Variants in SLX4 observed in about 807,000 individuals in gnomAD.
SLX4 encodes the protein SLX4 structure-specific endonuclease subunit, also known as structure-specific endonuclease subunit SLX4.
A neutral mutation model predicts 146.2 loss-of-function variants in SLX4; 112 were observed. That is an observed-to-expected ratio of 0.77 (90% CI 0.66 to 0.90). The LOEUF (loss-of-function observed/expected upper bound fraction) is 0.90. Among genes scored for constraint, SLX4 ranks in the 40% least tolerant of loss-of-function variants. The pLI is 0.00. For synonymous variants in SLX4, 1,061 were observed against 997.7 expected (o/e 1.06, Z -1.20); for missense variants, 2,563 against 2,392.7 (o/e 1.07, Z -1.49).
rs535546998 is a variant in SLX4, at chr16:3,591,265, A to G, written c.2373T>C (p.Ile791=). ...ELVHLCEQVP[I]ATDSEGKPWE... is the part of the protein sequence containing the mutation. ...ATGGTTTGCCCTCTGAGTCAGTGGCAATAGGCACCTGTTCGCACAGGTGAA... is the reference window on the plus strand; with the variant it reads ...ATGGTTTGCCCTCTGAGTCAGTGGCGATAGGCACCTGTTCGCACAGGTGAA... The change falls in exon 12 of 15, where the codon ATT becomes ATC. Residue 791 remains isoleucine, a synonymous_variant. Coordinates refer to ENST00000294008, the MANE Select transcript of SLX4 (RefSeq NM_032444.4). 6.2e-7 allele frequency: 1 copy of G among 1,612,838 alleles called. No individual in the cohort carries two copies. Among genetic ancestry groups the G allele is most frequent in the East Asian group, 2.2e-5 (1 of 44,886 alleles).
At position 3,597,748 on chromosome 16, in the gene SLX4, G is replaced by C. The variant is rs766609103; in HGVS notation, c.1366+49C>G. 1 of 1,613,806 alleles carries C rather than the reference G, an allele frequency of 6.2e-7. No individual in the cohort carries two copies. The highest frequency in any genetic ancestry group is 8.5e-7 in the Non-Finnish European group (1 of 1,179,820). ...AACGGTGGAGTCGGTCCACTCACCC[G>C]GGACCTGCTGATGGCCTCTCCCAGG... On this transcript the variant is annotated intron_variant, in intron 6 of 14. Transcript: ENST00000294008. This position sits in a 1 kb window ranked among gnomAD's most constrained non-coding sequence, Gnocchi z 4.4.
chr16:3,607,673 A>G (rs1470333084), intron 2 of SLX4, among the ~76,000 whole-genome samples: 1 of 152,166 alleles, frequency 6.6e-6, no homozygotes, highest in Non-Finnish European at 1.5e-5. Flanking sequence ...TGAGAGACCA[A>G]GATCCTGTCT....
At position 3,590,963 on chromosome 16, in the gene SLX4, G is replaced by A. The variant is rs1368217140; in HGVS notation, c.2675C>T (p.Ala892Val). The A allele has an allele frequency of 6.8e-6, 11 of 1,614,164 alleles. No individual in the cohort carries two copies. In the Middle Eastern group the frequency reaches 4.9e-4, roughly 73 times the overall value. ...GGSPVSGQLL[A>V]GVQVQKQWDK... ...CCACTGTTTCTGCACCTGGACACCT[G>A]CTAGGAGTTGCCCAGAAACCGGACT... Residue 892 changes from alanine (A) to valine (V), a missense_variant, in exon 12 of 15, where the codon GCA becomes GTA. Ala to Val is a moderately conservative substitution (Grantham distance 64). Transcript: ENST00000294008. The surrounding 1 kb of genome is among the most constrained non-coding windows in gnomAD (Gnocchi z 4.8).
intron 2 of SLX4, 66 bp downstream of exon 2, chr16:3,608,364 A>C: frequency 6.3e-7 from 1 of 1,590,444 alleles, no homozygotes; most frequent in Non-Finnish European, 8.6e-7. Context: ...TACAAAGCCA[A>C]AATATTTACG....
intron 3 of SLX4, among the ~76,000 whole-genome samples, chr16:3,604,997 C>A (rs2040767264): frequency 6.7e-6 from 1 of 149,718 alleles, no homozygotes; most frequent in African/African-American, 2.5e-5. Context: ...TCACAGCTCA[C>A]TGCAGCTCAA....
chr16:3,583,390 C>T lies in SLX4; in HGVS notation c.4860G>A (p.Leu1620=), dbSNP rs1415687441. 6.8e-6 allele frequency: 11 copies of T among 1,613,092 alleles called. No individual in the cohort carries two copies. Among genetic ancestry groups the T allele is most frequent in the Non-Finnish European group, 8.5e-6 (10 of 1,179,220 alleles). ...SEDESQSSQP[L]LQAPHCQTLA... ...GGGTCTGGCAGTGAGGCGCCTGCAA[C>T]AGCGGCTGTGAGGACTGGCTCTCGT... The change falls in exon 14 of 15, where the codon CTG becomes CTA. Residue 1620 remains leucine, a synonymous_variant. Coordinates refer to ENST00000294008, the MANE Select transcript of SLX4 (RefSeq NM_032444.4).
At position 3,592,719 on chromosome 16, in the gene SLX4, C is replaced by G; in HGVS notation, c.2307G>C (p.Glu769Asp). 1 of 1,613,318 alleles carries G rather than the reference C, an allele frequency of 6.2e-7. No homozygotes were observed. The highest frequency in any genetic ancestry group is 8.5e-7 in the Non-Finnish European group (1 of 1,179,970). ...DTGLPPGLSS[E>D]LSSLAHRFGV... is the part of the protein sequence containing the mutation. ...CAGACCTGTGGGCCAGGGAGCTCAG[C>G]TCAGAGCTAAGGCCAGGAGGAAGGC... The change falls in exon 11 of 15, where the codon GAG (glutamate) becomes GAC (aspartate). Residue 769 changes from glutamate to aspartate, a missense_variant. Transcript: ENST00000294008.
At chr16:3,610,849 AGGAGAAAACGCTGCGG>A (rs1344524698) in intron 1 of SLX4, among the ~76,000 whole-genome samples, 6 of 152,220 alleles carry the variant, frequency 3.9e-5, no homozygotes, top group Non-Finnish European at 8.8e-5. Context: ...AGAAAGGTGT[AGGAGAAAACGCTGCGG>A]GGAGAGGAAA....
chr16:3,596,834 T>G (rs1319225330), intron 7 of SLX4, among the ~76,000 whole-genome samples: 1 of 151,796 alleles, frequency 6.6e-6, no homozygotes, highest in African/African-American at 2.4e-5. Context: ...TTTTTTTTTT[T>G]TTTTTCAAGA....
Position 3,583,505 on chromosome 16 carries a change from C to T in SLX4, c.4745G>A (p.Gly1582Glu). Reference sequence around the variant, plus strand: ...CTGGCGTTTAGGCAGAGGGCGGACTCCAAACCTGACGGAGGAACAGGTGGA... The same window carrying T: ...CTGGCGTTTAGGCAGAGGGCGGACTTCAAACCTGACGGAGGAACAGGTGGA... ...PVLKKELDRF[G>E]VRPLPKRQMV... Residue 1582 changes from glycine to glutamate, a missense_variant, in exon 14 of 15, where the codon GGA becomes GAA. Coordinates refer to ENST00000294008, the MANE Select transcript of SLX4 (RefSeq NM_032444.4). The T allele has an allele frequency of 6.2e-7, 1 of 1,614,054 alleles. No individual in the cohort carries two copies.
At chr16:3,583,586 G>C (rs1230007980) in intron 13 of SLX4, 76 bp from the exon 14 acceptor site, 8 of 1,518,950 alleles carry the variant, frequency 5.3e-6, no homozygotes, top group Non-Finnish European at 7.3e-6. Flanking sequence ...TCTTAGCAAA[G>C]AGTGATACCC....
rs373381697 is a variant in SLX4, at chr16:3,597,614, A to G, written c.1448T>C (p.Ile483Thr). 3.7e-6 allele frequency: 6 copies of G among 1,613,974 alleles called. No individual in the cohort carries two copies. In the African/African-American group the frequency reaches 4.0e-5, roughly 11 times the overall value. The part of the protein sequence containing the change: ...VQDSETTGRQ[I>T]EDRVALLLSE... Reference sequence around the variant, plus strand: ...GAGGAGCAGGGCCACACGGTCCTCTATCTGTCGGCCTGTGGTTTCAGAGTC... The same window carrying G: ...GAGGAGCAGGGCCACACGGTCCTCTGTCTGTCGGCCTGTGGTTTCAGAGTC... Residue 483 changes from isoleucine (I) to threonine (T), a missense_variant, in exon 7 of 15, where the codon ATA becomes ACA. Ile to Thr is a moderately conservative substitution (Grantham distance 89). Transcript: ENST00000294008. The surrounding 1 kb of genome is among the most constrained non-coding windows in gnomAD (Gnocchi z 4.4).
Position 3,606,669 on chromosome 16 carries a change from G to T in SLX4, c.565C>A (p.Pro189Thr). ...ENVPNSDSQP[P>T]PSCLTTAVPS... The stretch of plus-strand genomic sequence containing the variant: ...ACTGCTGTTGTCAAACAGGAAGGAG[G>T]AGGCTGGGAGTCGCTGTTGGGCACA... The change falls in exon 3 of 15, where the codon CCT becomes ACT. Residue 189 changes from proline (P) to threonine (T), a missense_variant. By Grantham distance (38) the Pro-to-Thr change is conservative. Transcript: ENST00000294008. The T allele has an allele frequency of 6.2e-7, 1 of 1,614,220 alleles. No individual in the cohort carries two copies. The highest frequency in any genetic ancestry group is 8.5e-7 in the Non-Finnish European group (1 of 1,180,052).
At chr16:3,594,085 T>C (rs1460559191) in intron 10 of SLX4, among the ~76,000 whole-genome samples, 1 of 152,106 alleles carries the variant, frequency 6.6e-6, no homozygotes, top group African/African-American at 2.4e-5. Context: ...GTTAGGATGG[T>C]CTTGATCTCC....
Position 3,589,096 on chromosome 16 carries a change from C to A in SLX4, c.4542G>T (p.Trp1514Cys), listed in dbSNP as rs1198880078. Residue 1514 changes from tryptophan to cysteine, a missense_variant, in exon 12 of 15, where the codon TGG becomes TGT. Transcript: ENST00000294008. The surrounding 1 kb of genome is among the most constrained non-coding windows in gnomAD (Gnocchi z 6.2). ...CTGGAGGCCTCTGCTCTTCCCCGTC[C>A]CAAACGTCCCACAGAGCCGAATTCA... ...SFLNSALWDV[W>C]DGEEQRPPET... 3 of 1,614,154 alleles carry A rather than the reference C, an allele frequency of 1.9e-6. No homozygotes were observed. Among genetic ancestry groups the A allele is most frequent in the Non-Finnish European group, 2.5e-6 (3 of 1,180,046 alleles).
At chr16:3,583,612 T>C (rs1051619918) in intron 13 of SLX4, 102 bp from the exon 14 acceptor site, 1 of 1,312,302 alleles carries the variant, frequency 7.6e-7, no homozygotes, top group Non-Finnish European at 1.1e-6. Flanking sequence ...ATTCAGCGAA[T>C]GGCTTGTGTG....
intron 4 of SLX4, chr16:3,601,412 T>A: frequency 1.7e-6 from 1 of 584,566 alleles, no homozygotes; most frequent in Non-Finnish European, 3.1e-6. Context: ...AAAGATTAAA[T>A]GCAGTTACAT....
At position 3,608,493 on chromosome 16, in the gene SLX4, G is replaced by A; in HGVS notation, c.472C>T (p.Gln158Ter). ...TGCTGGTTACCCGTCTGGGTGTTTT[G>A]TGCTGTTTCCCGGAGCACAGGTGGA... is the stretch of plus-strand genomic sequence containing the variant. ...PDPPVLRETA[Q>*]NTQTGNQQEP... is the part of the protein sequence containing the mutation. The change falls in exon 2 of 15, where the codon CAA becomes TAA. Residue 158 changes from glutamine (Q) to a stop codon, truncating the protein, a stop_gained. Coordinates refer to ENST00000294008, the MANE Select transcript of SLX4 (RefSeq NM_032444.4). LOFTEE classifies it high-confidence loss of function. The A allele has an allele frequency of 6.2e-7, 1 of 1,614,224 alleles. No individual in the cohort carries two copies. Among genetic ancestry groups the A allele is most frequent in the Non-Finnish European group, 8.5e-7 (1 of 1,180,050 alleles).
rs776018346 is a variant in SLX4 at position 3,608,459 on chromosome 16, G to A, written c.506C>T (p.Ser169Leu). ...GGTTTTCTCTCTGGAAAGGTTTGGC[G>A]ATGGTTCTTGCTGGTTACCCGTCTG... ...NTQTGNQQEP[S>L]PNLSREKTRE... Residue 169 changes from serine to leucine, a missense_variant, in exon 2 of 15, where the codon TCG becomes TTG. Ser to Leu is a moderately radical substitution (Grantham distance 145). Transcript: ENST00000294008. 66 of 1,614,058 alleles carry A rather than the reference G, an allele frequency of 4.1e-5. 1 individual carries two copies. The highest frequency in any genetic ancestry group is 2.0e-4 in the Admixed American group (12 of 60,000).
Sources: gnomAD v4.1 joint callset for allele counts (sites outside exome capture counted in the v4.1 genomes callset) on GRCh38, gnomAD v4.1.1 for gene constraint, Gnocchi (gnomAD v3.1) non-coding constraint, MANE v1.5 for transcripts, NCBI Gene and HGNC (gene_info 2026-07-23, HGNC 2026-07-21) for gene names.